Variants in PCDH11Y observed in about 807,000 individuals in gnomAD.
PCDH11Y encodes protocadherin 11 Y-linked, also known as protocadherin-11 Y-linked.
For synonymous variants in PCDH11Y, 9 were observed against 83.6 expected (o/e 0.11, Z 4.87); for missense variants, 12 against 224.8 (o/e 0.05, Z 6.05).
downstream of PCDH11Y, among the ~76,000 whole-genome samples, chrY:5,108,684 C>T (rs34545349): frequency 4.5e-4 from 11 of 24,221 alleles, no homozygotes; most frequent in East Asian, 1.1e-3. Context: ...GAGGCGGAGC[C>T]TGCAGTGAGC....
chrY:5,016,683 A>G, intron 1 of PCDH11Y, among the ~76,000 whole-genome samples: 1 of 32,817 alleles, frequency 3.0e-5, no homozygotes, highest in East Asian at 7.9e-4. Flanking sequence ...TAAACTTTAA[A>G]TTTTACGGAA....
intron 2 of PCDH11Y, among the ~76,000 whole-genome samples, chrY:5,311,563 G>C: frequency 3.8e-5 from 1 of 25,988 alleles, no homozygotes; most frequent in East Asian, 9.8e-4. Context: ...TCACCAGACT[G>C]TGGAGGAAGC....
intron 2 of PCDH11Y, among the ~76,000 whole-genome samples, chrY:5,281,530 A>C (rs2124660791): frequency 3.2e-5 from 1 of 31,185 alleles, no homozygotes; most frequent in East Asian, 8.4e-4. Flanking sequence ...TTAATTTGTG[A>C]CCTAACTCTT....
At chrY:5,359,452 C>G (rs2053172553) in intron 2 of PCDH11Y, among the ~76,000 whole-genome samples, 1 of 31,709 alleles carries the variant, frequency 3.2e-5, no homozygotes, top group East Asian at 8.4e-4. Context: ...TTTACTGCAG[C>G]CTGCTTTATC....
intron 4 of PCDH11Y, among the ~76,000 whole-genome samples, chrY:5,605,789 G>A (rs2053478381): frequency 3.3e-5 from 1 of 30,681 alleles, no homozygotes; most frequent in South Asian, 7.7e-4. Context: ...GTGCACAATT[G>A]TGGGAAAGTG....
intron 2 of PCDH11Y, among the ~76,000 whole-genome samples, chrY:5,403,296 T>C (rs2053235666): frequency 6.0e-5 from 2 of 33,292 alleles, no homozygotes; most frequent in East Asian, 7.8e-4. Flanking sequence ...TAATAGACTA[T>C]GAATATTTTG....
intron 2 of PCDH11Y, among the ~76,000 whole-genome samples, chrY:5,195,478 G>A: frequency 3.0e-5 from 1 of 33,040 alleles, no homozygotes; most frequent in Non-Finnish European, 7.4e-5. Flanking sequence ...GAAATTGAAA[G>A]GCATTGTCAA....
chrY:5,369,696 T>A, intron 2 of PCDH11Y, among the ~76,000 whole-genome samples: 1 of 32,070 alleles, frequency 3.1e-5, no homozygotes, highest in Non-Finnish European at 7.6e-5. Context: ...AGGAATAACG[T>A]TCACAACCAT....
At chrY:5,272,831 C>T in intron 2 of PCDH11Y, among the ~76,000 whole-genome samples, 3 of 30,592 alleles carry the variant, frequency 9.8e-5, no homozygotes, top group African/African-American at 3.8e-4. Flanking sequence ...AAAAAAAAAC[C>T]GACTTTCTCT....
At chrY:5,647,856 C>A (rs2124705804) in intron 4 of PCDH11Y, among the ~76,000 whole-genome samples, 1 of 33,379 alleles carries the variant, frequency 3.0e-5, no homozygotes, top group South Asian at 6.6e-4. Flanking sequence ...CCAGTTCAAC[C>A]CATTTCCATA....
intron 4 of PCDH11Y, among the ~76,000 whole-genome samples, chrY:5,725,633 G>T: frequency 3.3e-5 from 1 of 30,661 alleles, no homozygotes; most frequent in Non-Finnish European, 7.9e-5. Flanking sequence ...TTATGACTTT[G>T]CATTAAGCAA....
chrY:5,709,410 T>C, intron 4 of PCDH11Y, among the ~76,000 whole-genome samples: 1 of 33,025 alleles, frequency 3.0e-5, no homozygotes, highest in Non-Finnish European at 7.5e-5. Flanking sequence ...AGTTATAAAT[T>C]TGGGGGCTCA....
intron 3 of PCDH11Y, among the ~76,000 whole-genome samples, chrY:5,565,202 C>A: frequency 3.0e-5 from 1 of 33,669 alleles, no homozygotes; most frequent in Non-Finnish European, 7.4e-5. Flanking sequence ...CCACAAACTT[C>A]TGGCATTCTA....
At chrY:5,739,217 A>T in exon 5 of PCDH11Y, 1 of 32,963 alleles carries the variant, frequency 3.0e-5, no homozygotes. Flanking sequence ...CACACAGAAC[A>T]AAAACCATCA....
chrY:5,569,343 A>G, intron 3 of PCDH11Y, among the ~76,000 whole-genome samples: 2 of 22,308 alleles, frequency 9.0e-5, no homozygotes, highest in Non-Finnish European at 2.0e-4. Context: ...AAGATTTCAA[A>G]TTATAGGGGA....
At chrY:5,071,615 G>A (rs2052699745) in intron 1 of PCDH11Y, among the ~76,000 whole-genome samples, 1 of 32,526 alleles carries the variant, frequency 3.1e-5, no homozygotes, top group Non-Finnish European at 7.6e-5. Context: ...AAACCAAATA[G>A]GTGTGTCTAT....
chrY:5,587,127 C>A, intron 4 of PCDH11Y, among the ~76,000 whole-genome samples: 1 of 31,647 alleles, frequency 3.2e-5, no homozygotes, highest in Admixed American at 2.9e-4. Flanking sequence ...TGTTGTGTGT[C>A]CATTATAATT....
chrY:5,702,258 G>A (rs2053578983), intron 4 of PCDH11Y, among the ~76,000 whole-genome samples: 8 of 30,979 alleles, frequency 2.6e-4, no homozygotes, highest in Non-Finnish European at 5.5e-4. Context: ...CCGCCTCCCA[G>A]GTTCAAGCGA....
chrY:5,570,089 G>A (rs2053438117), intron 3 of PCDH11Y, among the ~76,000 whole-genome samples: 1 of 32,753 alleles, frequency 3.1e-5, no homozygotes, highest in African/African-American at 1.2e-4. Context: ...GATTTTTAAG[G>A]CAGACAGCAT....
Sources: allele counts gnomAD v4.1 joint callset (sites outside exome capture counted in the v4.1 genomes callset), GRCh38; gene constraint gnomAD v4.1.1; transcripts MANE v1.5; gene names NCBI Gene and HGNC (gene_info 2026-07-23, HGNC 2026-07-21).